SYTL5: variants seen among roughly 807,000 people sequenced by gnomAD.
The protein encoded by SYTL5 is synaptotagmin-like protein 5.
A neutral mutation model predicts 55.9 loss-of-function variants in SYTL5; 34 were observed. The observed-to-expected ratio is 0.61, with a 90% CI of 0.46 to 0.81. The LOEUF (loss-of-function observed/expected upper bound fraction) is 0.81. Among genes scored for constraint, SYTL5 ranks in the 30% least tolerant of loss-of-function variants. SYTL5 has a pLI of 0.00. For synonymous variants in SYTL5, 221 were observed against 188.7 expected, an observed-to-expected ratio of 1.17 and a Z score of -1.40; for missense variants, 637 against 546.7, an observed-to-expected ratio of 1.17 and a Z score of -1.65.
At chrX:38,037,149 G>A (rs752009862) in intron 2 of SYTL5, among the ~76,000 whole-genome samples, 1 of 111,971 alleles carries the variant, frequency 8.9e-6, no homozygotes, top group South Asian at 3.8e-4. Context: ...TGTTAACTGG[G>A]TAGCCCAAAG....
the SYTL5 span, among the ~76,000 whole-genome samples, chrX:37,916,300 G>A: frequency 8.0e-5 from 9 of 112,025 alleles, no homozygotes; most frequent in Admixed American, 7.6e-4. Flanking sequence ...CGGAGCCCAC[G>A]CACCCCTCCT....
chrX:38,029,970 G>T (rs1280927352), intron 1 of SYTL5, among the ~76,000 whole-genome samples: 1 of 111,579 alleles, frequency 9.0e-6, no homozygotes, highest in Non-Finnish European at 1.9e-5. Context: ...GGCTTAACTT[G>T]CAGGCACAGC....
At chrX:38,052,972 G>A (rs750021664) in intron 2 of SYTL5, among the ~76,000 whole-genome samples, 11 of 112,024 alleles carry the variant, frequency 9.8e-5, no homozygotes, top group Admixed American at 4.7e-4. Flanking sequence ...TAAAAATCCC[G>A]TTACCTAGGC....
At chrX:37,978,473 A>T in the SYTL5 span, among the ~76,000 whole-genome samples, 2 of 112,298 alleles carry the variant, frequency 1.8e-5, no homozygotes, top group South Asian at 3.7e-4. Context: ...GTCTTTTCCC[A>T]GATCAACTTA....
At chrX:38,061,629 C>T (rs1281006679) in intron 3 of SYTL5, among the ~76,000 whole-genome samples, 2 of 111,916 alleles carry the variant, frequency 1.8e-5, no homozygotes, top group East Asian at 5.6e-4. Context: ...GAAACGATTA[C>T]AGCAAGGACT....
intron 2 of SYTL5, among the ~76,000 whole-genome samples, chrX:38,039,150 A>G (rs1935204436): frequency 8.9e-6 from 1 of 111,930 alleles, no homozygotes. Context: ...AGTTCATTCA[A>G]GAGGCTGAAA....
intron 10 of SYTL5, among the ~76,000 whole-genome samples, chrX:38,106,034 G>A (rs5918473): frequency 0.13 from 14,697 of 111,520 alleles, 800 homozygotes; most frequent in Middle Eastern, 0.16. Context: ...GGGAAATCAT[G>A]GAAGCTGTGG....
chrX:37,997,588 C>T, the SYTL5 span, among the ~76,000 whole-genome samples: 7 of 112,673 alleles, frequency 6.2e-5, no homozygotes, highest in African/African-American at 2.3e-4. Flanking sequence ...TCCCTGCTGC[C>T]TTAGCCCCCT....
chrX:38,113,323 C>A (rs1414918649), intron 13 of SYTL5, among the ~76,000 whole-genome samples: 1 of 112,302 alleles, frequency 8.9e-6, no homozygotes, highest in Non-Finnish European at 1.9e-5. Flanking sequence ...AGCAAGCTTA[C>A]GTGGTTTTCC....
intron 9 of SYTL5, 68 bp from the exon 10 acceptor site, chrX:38,102,274 T>C: frequency 1.4e-6 from 1 of 727,459 alleles, no homozygotes; most frequent in Non-Finnish European, 2.1e-6. Flanking sequence ...GAAAGTGGTT[T>C]CTCAAGTGAA....
Position 38,054,222 on chromosome X carries a change from A to C in SYTL5, c.129A>C (p.Lys43Asn), listed in dbSNP as rs1337774400. ...TCCCCTCTTCTTTCAGGAAGCTGAA[A>C]AATGAACTCTTAGAAGCAAAACGTA... ...KVEDKRIRKL[K>N]NELLEAKRRS... is the part of the protein sequence containing the mutation. Residue 43 changes from lysine to asparagine, a missense_variant, in exon 3 of 17, where the codon AAA becomes AAC. Lys to Asn is a moderately conservative substitution (Grantham distance 94). Transcript: ENST00000297875. 1.3e-5 allele frequency: 16 copies of C among 1,207,737 alleles called. No individual in the cohort carries two copies. Among genetic ancestry groups the C allele is most frequent in the Non-Finnish European group, 1.8e-5 (16 of 893,401 alleles).
the SYTL5 span, among the ~76,000 whole-genome samples, chrX:37,928,117 T>A: frequency 8.9e-6 from 1 of 112,315 alleles, no homozygotes; most frequent in African/African-American, 3.2e-5. Flanking sequence ...TATATACCTG[T>A]CCAGAATCAT....
intron 13 of SYTL5, among the ~76,000 whole-genome samples, chrX:38,111,808 CAGGGAGGTGAG>C (rs1569190821): frequency 8.9e-6 from 1 of 111,816 alleles, no homozygotes; most frequent in Admixed American, 9.5e-5. Context: ...TGACTGTGGC[CAGGGAGGTGAG>C]ATGCATTAGC....
At chrX:37,990,996 C>T in the SYTL5 span, 1 of 1,212,082 alleles carries the variant, frequency 8.3e-7, no homozygotes, top group South Asian at 1.8e-5. Flanking sequence ...AATAAATACC[C>T]TCCTTACCTT....
chrX:37,948,570 A>G, the SYTL5 span, among the ~76,000 whole-genome samples: 1 of 110,212 alleles, frequency 9.1e-6, no homozygotes, highest in Non-Finnish European at 1.9e-5. Context: ...ATGATTTGAT[A>G]TATGTATACA....
the SYTL5 span, among the ~76,000 whole-genome samples, chrX:37,925,860 GT>G: frequency 1.8e-5 from 2 of 111,544 alleles, no homozygotes; most frequent in Non-Finnish European, 3.8e-5. Context: ...ATGATATTTG[GT>G]TTTCCATTCC....
the SYTL5 span, among the ~76,000 whole-genome samples, chrX:37,996,831 C>T: frequency 9.2e-4 from 103 of 111,986 alleles, no homozygotes; most frequent in Admixed American, 2.9e-3. Context: ...ACCTCCGTTA[C>T]TCCCAAAATA....
chrX:37,922,269 G>A, the SYTL5 span, among the ~76,000 whole-genome samples: 3 of 111,749 alleles, frequency 2.7e-5, no homozygotes, highest in African/African-American at 9.8e-5. Flanking sequence ...GGATATTTGT[G>A]GCAATGTCAC....
the SYTL5 span, among the ~76,000 whole-genome samples, chrX:37,971,643 AG>A: frequency 9.0e-6 from 1 of 111,238 alleles, no homozygotes; most frequent in South Asian, 3.8e-4. Context: ...AGAACCCAAA[AG>A]CTCTATAGTT....
Sources: gnomAD v4.1 joint callset for allele counts (sites outside exome capture counted in the v4.1 genomes callset) on GRCh38, gnomAD v4.1.1 for gene constraint, MANE v1.5 for transcripts, NCBI Gene and HGNC (gene_info 2026-07-23, HGNC 2026-07-21) for gene names.